The following ZUP1 variants were observed in gnomAD, a reference collection of about 807,000 sequenced individuals.
ZUP1 encodes the protein zinc finger containing ubiquitin peptidase 1, also known as zinc finger-containing ubiquitin peptidase 1.
In ZUP1, 55 loss-of-function variants were observed where a neutral mutation model predicts 68.1. The observed-to-expected ratio is 0.81, with a 90% CI of 0.65 to 1.01. The LOEUF is 1.01. Ranked by LOEUF, ZUP1 falls within the 50% of genes least tolerant of loss-of-function variation. ZUP1 has a pLI of 0.00. For synonymous variants in ZUP1, 223 were observed against 221.5 expected (o/e 1.01, Z -0.06); for missense variants, 684 against 674.9 (o/e 1.01, Z -0.15).
At position 116,647,527 on chromosome 6, in the gene ZUP1, GAAT is replaced by G. The variant is rs1439267062; in HGVS notation, c.1397_1399del (p.Tyr466del). On this transcript the variant is annotated inframe_deletion, in exon 8 of 10. Coordinates refer to ENST00000368576, the MANE Select transcript of ZUP1 (RefSeq NM_145062.3). ...CTTTGGACTCCCTTCTCCCTCTGAA[GAAT>G]AATAGTTCAATATCCATTCAAATAA... 2 of 1,602,474 alleles carry G rather than the reference GAAT, an allele frequency of 1.2e-6. No individual in the cohort carries two copies. The highest frequency in any genetic ancestry group is 1.7e-6 in the Non-Finnish European group (2 of 1,172,142).
intron 1 of ZUP1, among the ~76,000 whole-genome samples, chr6:116,667,718 A>G (rs942486531): frequency 4.6e-5 from 7 of 152,126 alleles, no homozygotes; most frequent in Non-Finnish European, 1.0e-4. Context: ...CTCTACACAT[A>G]AAGAAATTCT....
intron 8 of ZUP1, among the ~76,000 whole-genome samples, chr6:116,646,911 A>G (rs2115390935): frequency 6.6e-6 from 1 of 152,194 alleles, no homozygotes; most frequent in South Asian, 2.1e-4. Context: ...AAGGTCAGGG[A>G]AGGCCTCACT....
chr6:116,666,075 C>G (rs1776999234), intron 2 of ZUP1, among the ~76,000 whole-genome samples: 1 of 152,118 alleles, frequency 6.6e-6, no homozygotes, highest in African/African-American at 2.4e-5. Context: ...AACTACTAGA[C>G]AGTACTACTA....
Position 116,645,711 on chromosome 6 carries a change from T to G in ZUP1, c.1689+3A>C. 3 of 1,592,528 alleles carry G rather than the reference T, an allele frequency of 1.9e-6. No individual in the cohort carries two copies. The highest frequency in any genetic ancestry group is 2.6e-6 in the Non-Finnish European group (3 of 1,170,260). On this transcript the variant is annotated splice_donor_region_variant and intron_variant, in intron 9 of 9. Transcript: ENST00000368576. Reference sequence around the variant, plus strand: ...CTTCACATATAAATATTTAGATACTTACAAGTTTCTCCTCTAGAGAAAGAG... The same window carrying G: ...CTTCACATATAAATATTTAGATACTGACAAGTTTCTCCTCTAGAGAAAGAG...
chr6:116,646,983 T>C (rs1437717584), intron 8 of ZUP1, among the ~76,000 whole-genome samples: 1 of 152,072 alleles, frequency 6.6e-6, no homozygotes, highest in Admixed American at 6.5e-5. Context: ...ACAAGTGAAC[T>C]AAACACAGAA....
chr6:116,650,805 C>T (rs7743325), intron 7 of ZUP1, among the ~76,000 whole-genome samples: 55,430 of 151,972 alleles, frequency 0.36, 10,763 homozygotes, highest in African/African-American at 0.5. Context: ...ATCAAAGCCC[C>T]ACACCCCATG....
chr6:116,641,343 T>C (rs1009166356), intron 9 of ZUP1, among the ~76,000 whole-genome samples: 43 of 152,174 alleles, frequency 2.8e-4, no homozygotes, highest in Non-Finnish European at 5.0e-4. Flanking sequence ...GCGGACCTAA[T>C]AGACATCTAC....
In ZUP1 at chr6:116,652,138, C is replaced by A. The variant is rs777517787; in HGVS notation, c.1016G>T (p.Arg339Leu). 6.2e-7 allele frequency: 1 copy of A among 1,613,970 alleles called. No homozygotes were observed. Among genetic ancestry groups the A allele is most frequent in the South Asian group, 1.1e-5 (1 of 91,074 alleles). ...YYQNAATDVR[R>L]VWLSSVVDHF... ...ATCCACCACTGAAGAAAGCCACACC[C>A]GTCTCACATCTGTGGCAGCATTCTG... Residue 339 changes from arginine to leucine, a missense_variant, in exon 6 of 10, where the codon CGG (arginine) becomes CTG (leucine). By Grantham distance (102) the Arg-to-Leu change is moderately radical (BLOSUM62 -2). Coordinates refer to ENST00000368576, the MANE Select transcript of ZUP1 (RefSeq NM_145062.3).
Position 116,662,218 on chromosome 6 carries a change from A to G in ZUP1, c.560-1372T>C, listed in dbSNP as rs962369539. ...CGGATGTAAGAGAAGTCTTTCAGCC[A>G]GTTCTCTACCATAAAATGCCTTAGA... On this transcript the variant is annotated intron_variant, in intron 2 of 9. Transcript: ENST00000368576. Among the ~76,000 whole-genome samples, 4 of 152,208 alleles carry G rather than the reference A, an allele frequency of 2.6e-5. No homozygotes were observed. The South Asian group carries it at 8.3e-4, about 32-fold the overall frequency.
intron 3 of ZUP1, among the ~76,000 whole-genome samples, chr6:116,659,436 A>G (rs754988179): frequency 4.6e-5 from 7 of 152,020 alleles, no homozygotes; most frequent in Non-Finnish European, 8.8e-5. Flanking sequence ...AGCCTCACTA[A>G]GTGTTTAAAG....
chr6:116,644,028 C>A (rs1333956899), intron 9 of ZUP1, among the ~76,000 whole-genome samples: 2 of 152,010 alleles, frequency 1.3e-5, no homozygotes, highest in Non-Finnish European at 2.9e-5. Context: ...AGTGGGCAAA[C>A]GATATGAACA....
intron 2 of ZUP1, among the ~76,000 whole-genome samples, chr6:116,665,548 C>G (rs1023297419): frequency 1.3e-5 from 2 of 149,800 alleles, no homozygotes; most frequent in Non-Finnish European, 3.0e-5. Context: ...GAACTTGTAT[C>G]CAAAATACAG....
intron 5 of ZUP1, among the ~76,000 whole-genome samples, chr6:116,655,918 G>A (rs1186236455): frequency 6.6e-6 from 1 of 152,202 alleles, no homozygotes; most frequent in East Asian, 1.9e-4. Flanking sequence ...GTTGTGCTGT[G>A]AAGTAGAAAA....
chr6:116,648,974 CAA>C (rs776241266), intron 7 of ZUP1, among the ~76,000 whole-genome samples: 5 of 77,334 alleles, frequency 6.5e-5, no homozygotes, highest in Admixed American at 1.5e-4. Context: ...GACTCTGTCT[CAA>C]AAAAAAAAAA....
chr6:116,648,091 G>A (rs962782385), intron 7 of ZUP1, among the ~76,000 whole-genome samples: 14 of 152,038 alleles, frequency 9.2e-5, no homozygotes, highest in African/African-American at 2.7e-4. Flanking sequence ...TACTTTTCCT[G>A]TCGGTCTCTC....
intron 5 of ZUP1, among the ~76,000 whole-genome samples, chr6:116,655,724 A>T (rs1776642862): frequency 6.6e-6 from 1 of 152,248 alleles, no homozygotes. Flanking sequence ...GCTTTGGCAA[A>T]GTCACTGTAA....
In ZUP1 at chr6:116,651,646, ATTAAG is replaced by A. The variant is rs766173761; in HGVS notation, c.1237_1241del (p.Leu413Ter). 4 of 1,613,926 alleles carry A rather than the reference ATTAAG, an allele frequency of 2.5e-6. No homozygotes were observed. The highest frequency in any genetic ancestry group is 2.2e-5 in the East Asian group (1 of 44,846). ...AGGCCTTTGTTCCCTGTAACCTGTTATTAAGTTGAGAGGCCCCCTGAGGATCAAAA... is the reference window on the plus strand; with the variant it reads ...AGGCCTTTGTTCCCTGTAACCTGTTATTGAGAGGCCCCCTGAGGATCAAAA... On this transcript the variant is annotated frameshift_variant, in exon 7 of 10. Coordinates refer to ENST00000368576, the MANE Select transcript of ZUP1 (RefSeq NM_145062.3). LOFTEE classifies it high-confidence loss of function.
At chr6:116,635,967 T>C (rs1562395806) in intron 9 of ZUP1, 88 bp from the exon 10 acceptor site, 2 of 949,974 alleles carry the variant, frequency 2.1e-6, no homozygotes, top group Non-Finnish European at 1.5e-6. Context: ...AAATAAAATC[T>C]GGAATTTTTT....
intron 2 of ZUP1, among the ~76,000 whole-genome samples, chr6:116,665,099 A>G (rs1415995077): frequency 1.3e-5 from 2 of 152,212 alleles, no homozygotes; most frequent in African/African-American, 4.8e-5. Context: ...ATTAGTATTG[A>G]AAATATATTT....
Sources: allele counts gnomAD v4.1 joint callset (sites outside exome capture counted in the v4.1 genomes callset), GRCh38; gene constraint gnomAD v4.1.1; transcripts MANE v1.5; gene names NCBI Gene and HGNC (gene_info 2026-07-23, HGNC 2026-07-21).